Variants in STK40 observed in about 807,000 individuals in gnomAD.
STK40 encodes the protein serine/threonine kinase 40.
STK40 carries 13 observed loss-of-function variants against 47.9 expected under a neutral mutation model. The ratio of observed to expected loss-of-function variants is 0.27; its 90% CI spans 0.18 to 0.43. STK40 has a LOEUF of 0.43. Ranked by LOEUF, STK40 falls within the 20% of genes least tolerant of loss-of-function variation. STK40 has a pLI of 1.00. For missense variants in STK40, 460 were observed against 595.1 expected (o/e 0.77, Z 2.36); for synonymous variants, 225 against 243.2 (o/e 0.93, Z 0.69).
chr1:36,385,207 G>T (rs1264113215), intron 1 of STK40, among the ~76,000 whole-genome samples: 1 of 152,232 alleles, frequency 6.6e-6, no homozygotes, highest in African/African-American at 2.4e-5. Context: ...CGTGGCCTTG[G>T]CAAGCAGGTA....
chr1:36,367,049 T>C (rs1034712063), intron 1 of STK40, among the ~76,000 whole-genome samples: 1 of 151,088 alleles, frequency 6.6e-6, no homozygotes, highest in Admixed American at 6.6e-5. Flanking sequence ...GGTTTCACCA[T>C]GTTGGCCAGG....
rs1646792502 is a variant in STK40 at position 36,355,253 on chromosome 1, C to T, written c.523G>A (p.Val175Met). Residue 175 changes from valine (V) to methionine (M), a missense_variant, in exon 5 of 11, where the codon GTG (valine) becomes ATG (methionine). Physicochemically the swap from Val to Met is conservative, Grantham distance 21 (BLOSUM62 1). Around this residue, in one of 3 missense-constraint regions of STK40, gnomAD observed 277 missense variants for 358.7 expected, o/e 0.77. Transcript: ENST00000373132. ...KEKRLSERET[V>M]VIFYDVVRVV... ...CGGACCACGTCGTAGAAGATTACCA[C>T]AGTCTCCCTCTCGCTGAGCCTCTTC... 6.2e-7 allele frequency: 1 copy of T among 1,614,168 alleles called. No homozygotes were observed. Among genetic ancestry groups the T allele is most frequent in the Non-Finnish European group, 8.5e-7 (1 of 1,180,042 alleles).
At chr1:36,369,407 T>C (rs2124745893) in intron 1 of STK40, among the ~76,000 whole-genome samples, 1 of 152,168 alleles carries the variant, frequency 6.6e-6, no homozygotes, top group Non-Finnish European at 1.5e-5. Flanking sequence ...CTCCAAGGGC[T>C]CCATGCTCTT....
rs527596515 is a variant in STK40 at position 36,350,023 on chromosome 1, G to A, written c.624-1208C>T. ...CTGCTGGCGGATTTCCCCGGGAGCC[G>A]CATCCAGGCGGCTCTGAGAGCCCTC... On this transcript the variant is annotated intron_variant, in intron 6 of 10. Coordinates refer to ENST00000373132, the MANE Select transcript of STK40 (RefSeq NM_001282547.2). Among the ~76,000 whole-genome samples, 17 of 152,268 alleles carry A rather than the reference G, an allele frequency of 1.1e-4. No homozygotes were observed. In the South Asian group the frequency reaches 1.5e-3, roughly 13 times the overall value.
intron 1 of STK40, among the ~76,000 whole-genome samples, chr1:36,374,067 C>T (rs1646971800): frequency 6.6e-6 from 1 of 152,264 alleles, no homozygotes; most frequent in Admixed American, 6.5e-5. Flanking sequence ...CAGCAGGACT[C>T]CAATGTGCTG....
rs1646646736 is a variant in STK40, at chr1:36,341,499, T to G, written c.*256A>C. On this transcript the variant is annotated 3_prime_UTR_variant, in exon 11 of 11. Coordinates refer to ENST00000373132, the MANE Select transcript of STK40 (RefSeq NM_001282547.2). ...CATGGTTAAAGAGACAGAGGTAGAT[T>G]AAAACATCGTGATTAAAAGCAGATT... 1.9e-5 allele frequency: 10 copies of G among 523,016 alleles called. No individual in the cohort carries two copies. The South Asian group carries it at 2.1e-4, about 11-fold the overall frequency. The allele number at this position is 523,016 out of a possible 1,614,324, so 32.4% of individuals were successfully genotyped here.
chr1:36,352,481 C>T (rs978426826), intron 6 of STK40, among the ~76,000 whole-genome samples: 2 of 152,124 alleles, frequency 1.3e-5, no homozygotes, highest in Admixed American at 6.5e-5. Context: ...ACCCAGAGGA[C>T]CACACTCTCA....
At chr1:36,360,654 G>A (rs927701408) in intron 2 of STK40, among the ~76,000 whole-genome samples, 1 of 151,970 alleles carries the variant, frequency 6.6e-6, no homozygotes, top group African/African-American at 2.4e-5. Context: ...TCCTGCCTCA[G>A]CCTCCCAAGT....
chr1:36,344,941 G>A (rs2124725110), intron 7 of STK40, among the ~76,000 whole-genome samples: 1 of 152,390 alleles, frequency 6.6e-6, no homozygotes, highest in Non-Finnish European at 1.5e-5. Context: ...CACTAACTGT[G>A]CTCCACAGCT....
At chr1:36,376,783 T>C (rs1357472563) in intron 1 of STK40, among the ~76,000 whole-genome samples, 6 of 151,948 alleles carry the variant, frequency 3.9e-5, no homozygotes, top group South Asian at 2.1e-4. Context: ...TGAATACGCA[T>C]AGGCAACTTC....
At chr1:36,342,180 G>A (rs113756828) in intron 10 of STK40, 20 of 591,434 alleles carry the variant, frequency 3.4e-5, no homozygotes, top group African/African-American at 1.5e-4. Context: ...TCCCCTTGCA[G>A]GCCGCCCTGC....
intron 10 of STK40, chr1:36,342,394 C>G (rs757086501): frequency 1.2e-5 from 3 of 245,160 alleles, no homozygotes; most frequent in Non-Finnish European, 2.5e-5. Context: ...CCATGCTGAG[C>G]TCCCTGGGAT....
intron 1 of STK40, among the ~76,000 whole-genome samples, chr1:36,375,947 C>T (rs944798097): frequency 2.0e-5 from 3 of 151,910 alleles, no homozygotes; most frequent in Non-Finnish European, 4.4e-5. Context: ...ATTTGAACCC[C>T]AGAGGCGTAG....
chr1:36,345,987 A>ATTTTTTTTT lies in STK40; in HGVS notation c.740-1724_740-1723insAAAAAAAAA, dbSNP rs1397972473. 8.7e-3 allele frequency among the ~76,000 whole-genome samples: 150 copies of ATTTTTTTTT among 17,246 alleles called. 3 individuals are homozygous for ATTTTTTTTT. Among genetic ancestry groups the ATTTTTTTTT allele is most frequent in the South Asian group, 0.015 (5 of 334 alleles). The allele number at this position is 17,246 out of a possible 152,430, so 11.3% of individuals were successfully genotyped here. ...GCATTACATATATATATATATATAT[A>ATTTTTTTTT]TATATTTTTTTTTTTTTTTTTTCCT... is the stretch of plus-strand genomic sequence containing the variant. On this transcript the variant is annotated intron_variant, in intron 7 of 10. Coordinates refer to ENST00000373132, the MANE Select transcript of STK40 (RefSeq NM_001282547.2).
intron 1 of STK40, among the ~76,000 whole-genome samples, chr1:36,375,780 G>A (rs545375268): frequency 1.3e-5 from 2 of 151,972 alleles, no homozygotes; most frequent in African/African-American, 4.8e-5. Context: ...CAGCACTTTG[G>A]GAGGCTGAGG....
At chr1:36,349,614 A>T (rs548774725) in intron 6 of STK40, among the ~76,000 whole-genome samples, 1 of 152,266 alleles carries the variant, frequency 6.6e-6, no homozygotes, top group African/African-American at 2.4e-5. Flanking sequence ...CTTACCTCGT[A>T]CTTGTGACTC....
At chr1:36,377,933 G>T (rs1196741699) in intron 1 of STK40, among the ~76,000 whole-genome samples, 1 of 152,234 alleles carries the variant, frequency 6.6e-6, no homozygotes, top group Non-Finnish European at 1.5e-5. Context: ...ATAAAGCCCT[G>T]TGTCTCATGA....
At chr1:36,372,645 T>G (rs1004828644) in intron 1 of STK40, 2 of 152,092 alleles carry the variant, frequency 1.3e-5, no homozygotes, top group African/African-American at 4.8e-5. Context: ...AAGCACAGAC[T>G]TACTTATAAA....
At chr1:36,384,622 C>T (rs956125095) in intron 1 of STK40, among the ~76,000 whole-genome samples, 3 of 152,198 alleles carry the variant, frequency 2.0e-5, no homozygotes, top group Admixed American at 6.5e-5. Flanking sequence ...AAGTCTGGCT[C>T]CAAAGCCTAC....
Sources: gnomAD v4.1 joint callset for allele counts (sites outside exome capture counted in the v4.1 genomes callset) on GRCh38, gnomAD v4.1.1 for gene constraint, gnomAD v4.1.1 regional missense constraint, MANE v1.5 for transcripts, NCBI Gene and HGNC (gene_info 2026-07-23, HGNC 2026-07-21) for gene names.